The following SS18 variants were observed in gnomAD, a reference collection of about 807,000 sequenced individuals.
SS18 encodes protein SSXT.
Under a neutral mutation model 72.5 loss-of-function variants are expected in SS18, and 28 were observed. That is an observed-to-expected ratio of 0.39 (90% CI 0.29 to 0.53). The LOEUF (loss-of-function observed/expected upper bound fraction) is 0.53. Among genes scored for constraint, SS18 ranks in the 20% least tolerant of loss-of-function variants. SS18 has a pLI of 0.76. For missense variants in SS18, 518 were observed against 535.3 expected (o/e 0.97, Z 0.32); for synonymous variants, 172 against 164.2 (o/e 1.05, Z -0.37).
intron 3 of SS18, among the ~76,000 whole-genome samples, chr18:26,074,323 A>G (rs1264765302): frequency 6.6e-6 from 1 of 152,004 alleles, no homozygotes; most frequent in African/African-American, 2.4e-5. Flanking sequence ...AAAAAAAAAA[A>G]AAACTTACTG....
intron 1 of SS18, among the ~76,000 whole-genome samples, chr18:26,089,278 C>T (rs2054671513): frequency 6.6e-6 from 1 of 152,172 alleles, no homozygotes; most frequent in South Asian, 2.1e-4. Context: ...GTGAGCCCTC[C>T]AGAAACGCAG....
At chr18:26,076,622 A>T (rs1000212862) in intron 3 of SS18, among the ~76,000 whole-genome samples, 1 of 152,004 alleles carries the variant, frequency 6.6e-6, no homozygotes, top group African/African-American at 2.4e-5. Context: ...AGGGACAAGC[A>T]TCTTATTGTT....
At chr18:26,046,006 G>A (rs2053814029) in intron 5 of SS18, among the ~76,000 whole-genome samples, 1 of 151,870 alleles carries the variant, frequency 6.6e-6, no homozygotes, top group Non-Finnish European at 1.5e-5. Flanking sequence ...GGCCAATATA[G>A]TGAAACCCCA....
intron 5 of SS18, among the ~76,000 whole-genome samples, chr18:26,046,271 T>C (rs1000271772): frequency 7.4e-6 from 1 of 135,860 alleles, no homozygotes. Context: ...TTCACTTCTT[T>C]GTAAAAATCC....
chr18:26,035,318 A>C lies in SS18; in HGVS notation c.974-191T>G. 1.6e-6 allele frequency: 1 copy of C among 617,602 alleles called. No individual in the cohort carries two copies. The highest frequency in any genetic ancestry group is 2.6e-6 in the Non-Finnish European group (1 of 378,510). 38.3% of individuals were successfully genotyped at this position (617,602 alleles called of 1,614,324 possible). The stretch of plus-strand genomic sequence containing the variant: ...GGCCAAACAAACTGCAGTTAAAGCC[A>C]ATTTTGCAAGGTTGAACTGCAGCAT... On this transcript the variant is annotated intron_variant, in intron 8 of 10. Coordinates refer to ENST00000415083, the MANE Select transcript of SS18 (RefSeq NM_001007559.3). The surrounding 1 kb of genome is among the most constrained non-coding windows in gnomAD (Gnocchi z 4.4).
chr18:26,072,421 G>A (rs1312168976), intron 3 of SS18, among the ~76,000 whole-genome samples: 1 of 150,568 alleles, frequency 6.6e-6, no homozygotes, highest in African/African-American at 2.4e-5. Flanking sequence ...AAAACAGAAA[G>A]GAGGATAATA....
At chr18:26,019,668 G>A (rs1279641441) in intron 10 of SS18, among the ~76,000 whole-genome samples, 1 of 151,574 alleles carries the variant, frequency 6.6e-6, no homozygotes, top group Non-Finnish European at 1.5e-5. Flanking sequence ...AAAATTAGCT[G>A]GGCGTGGTGG....
chr18:26,021,102 C>T (rs963123683), intron 10 of SS18, among the ~76,000 whole-genome samples: 1 of 152,110 alleles, frequency 6.6e-6, no homozygotes, highest in African/African-American at 2.4e-5. Flanking sequence ...TAGGACCAAA[C>T]AAAACCACAA....
At chr18:26,029,700 A>G (rs1440971369) in intron 10 of SS18, among the ~76,000 whole-genome samples, 1 of 152,146 alleles carries the variant, frequency 6.6e-6, no homozygotes, top group Non-Finnish European at 1.5e-5. Flanking sequence ...TTTATCTTGC[A>G]TATTGCTGTA....
At chr18:26,048,522 G>A (rs1341318916) in intron 5 of SS18, among the ~76,000 whole-genome samples, 4 of 152,110 alleles carry the variant, frequency 2.6e-5, no homozygotes, top group Non-Finnish European at 4.4e-5. Flanking sequence ...CCTCCTTTTC[G>A]TCTATCTCTT....
At chr18:26,070,013 G>A (rs566624058) in intron 3 of SS18, among the ~76,000 whole-genome samples, 2 of 152,194 alleles carry the variant, frequency 1.3e-5, no homozygotes, top group Non-Finnish European at 2.9e-5. Flanking sequence ...TCCTAGGTGC[G>A]GGGAGGGGAT....
chr18:26,087,605 A>G (rs766794078), intron 1 of SS18, 28 bp from the exon 2 acceptor site: 1 of 1,307,992 alleles, frequency 7.6e-7, no homozygotes. Flanking sequence ...AAGGTTTAGC[A>G]TAAAACTAGT....
intron 10 of SS18, among the ~76,000 whole-genome samples, chr18:26,021,277 T>G (rs2053345516): frequency 6.6e-6 from 1 of 152,196 alleles, no homozygotes; most frequent in Non-Finnish European, 1.5e-5. Context: ...TCCCTGAGTT[T>G]CAATTTTATC....
At position 26,019,695 on chromosome 18, in the gene SS18, C is replaced by T. The variant is rs112250931; in HGVS notation, c.1231-1315G>A. Among the ~76,000 whole-genome samples, 616 of 149,908 alleles carry T rather than the reference C, an allele frequency of 4.1e-3. 5 individuals carry two copies. The highest frequency in any genetic ancestry group is 0.015 in the African/African-American group (593 of 40,480). ...GCGTGGTGGCGCACATCTGTAATCC[C>T]AGCTACTTGGGAGGCTGAGGCAAGA... On this transcript the variant is annotated intron_variant, in intron 10 of 10. Coordinates refer to ENST00000415083, the MANE Select transcript of SS18 (RefSeq NM_001007559.3).
intron 2 of SS18, among the ~76,000 whole-genome samples, chr18:26,086,936 A>G (rs573996274): frequency 6.6e-6 from 1 of 152,248 alleles, no homozygotes; most frequent in East Asian, 1.9e-4. Context: ...TTTCTTTTAT[A>G]AATTAACAAG....
chr18:26,056,678 G>A (rs916488235), intron 4 of SS18, among the ~76,000 whole-genome samples: 2 of 152,168 alleles, frequency 1.3e-5, no homozygotes, highest in Non-Finnish European at 2.9e-5. Flanking sequence ...TCCTAAAGAT[G>A]CCAATTACTA....
At chr18:26,057,901 AC>A (rs914653914) in intron 3 of SS18, among the ~76,000 whole-genome samples, 159 bp from the exon 4 acceptor site, 3 of 152,198 alleles carry the variant, frequency 2.0e-5, no homozygotes, top group African/African-American at 7.2e-5. Flanking sequence ...ATAGTTAATA[AC>A]CCCCAAAACT....
intron 4 of SS18, among the ~76,000 whole-genome samples, chr18:26,054,709 C>A (rs1444997621): frequency 1.2e-4 from 18 of 150,490 alleles, no homozygotes; most frequent in African/African-American, 4.4e-4. Context: ...AGGAAATACA[C>A]ATGCATTATT....
chr18:26,018,466 G>T, intron 10 of SS18, 86 bp from the exon 11 acceptor site: 1 of 1,081,298 alleles, frequency 9.2e-7, no homozygotes, highest in Non-Finnish European at 1.3e-6. Context: ...TTCTAACACT[G>T]TCATACCACA....
Sources: gnomAD v4.1 joint callset for allele counts (sites outside exome capture counted in the v4.1 genomes callset) on GRCh38, gnomAD v4.1.1 for gene constraint, Gnocchi (gnomAD v3.1) non-coding constraint, MANE v1.5 for transcripts, NCBI Gene and HGNC (gene_info 2026-07-23, HGNC 2026-07-21) for gene names.